The following IL5RA variants were observed in gnomAD, a reference collection of about 807,000 sequenced individuals.
IL5RA encodes the protein interleukin 5 receptor subunit alpha.
Under a neutral mutation model 50.0 loss-of-function variants are expected in IL5RA, and 49 were observed. The observed-to-expected ratio is 0.98, with a 90% CI of 0.78 to 1.24. The LOEUF is 1.24. IL5RA is among the 50% of genes most tolerant of loss of function. The probability of loss-of-function intolerance (pLI) is 0.00; values close to 1 mark genes in which losing one functional copy is unlikely to be tolerated. For missense variants in IL5RA, 600 were observed against 500.4 expected, an observed-to-expected ratio of 1.20 and a Z score of -1.90; for synonymous variants, 202 against 174.0, an observed-to-expected ratio of 1.16 and a Z score of -1.26.
intron 9 of IL5RA, among the ~76,000 whole-genome samples, chr3:3,078,890 C>CT (rs1428442886): frequency 6.6e-6 from 1 of 151,828 alleles, no homozygotes; most frequent in Non-Finnish European, 1.5e-5. Flanking sequence ...TTTCCCAGCT[C>CT]TAACACTGCT....
At chr3:3,079,197 C>CT (rs1702584427) in intron 9 of IL5RA, among the ~76,000 whole-genome samples, 1 of 152,186 alleles carries the variant, frequency 6.6e-6, no homozygotes, top group Non-Finnish European at 1.5e-5. Context: ...TTTATGAAGT[C>CT]TTTTCCCAGG....
At chr3:3,088,213 C>T (rs1702948359) in intron 9 of IL5RA, among the ~76,000 whole-genome samples, 1 of 152,148 alleles carries the variant, frequency 6.6e-6, no homozygotes, top group Non-Finnish European at 1.5e-5. Context: ...CGTTATGGAT[C>T]ACAATTTCAC....
chr3:3,079,911 G>T (rs1234998165), intron 9 of IL5RA, among the ~76,000 whole-genome samples: 1 of 152,070 alleles, frequency 6.6e-6, no homozygotes, highest in African/African-American at 2.4e-5. Context: ...CCGCATGGCT[G>T]TCATCCCAGC....
chr3:3,087,665 T>G (rs334807), intron 9 of IL5RA, among the ~76,000 whole-genome samples: 91,013 of 151,272 alleles, frequency 0.6, 27,791 homozygotes, highest in East Asian at 0.86. Flanking sequence ...TATGAAAGGG[T>G]TGATATTTGA....
Position 3,102,409 on chromosome 3 carries a change from A to G in IL5RA, c.228+266T>C, listed in dbSNP as rs1009959944. 3.3e-5 allele frequency among the ~76,000 whole-genome samples: 5 copies of G among 152,206 alleles called. No individual in the cohort carries two copies. In the East Asian group the frequency reaches 5.8e-4, roughly 18 times the overall value. The stretch of plus-strand genomic sequence containing the variant: ...GAAACAGAAAACCAGTACCCAATCC[A>G]TGGTGCCTAAAAAGTTACTAAACAT... On this transcript the variant is annotated intron_variant, in intron 4 of 11. Transcript: ENST00000446632.
chr3:3,107,945 AT>A (rs1704008536), intron 2 of IL5RA, among the ~76,000 whole-genome samples: 1 of 151,858 alleles, frequency 6.6e-6, no homozygotes, highest in Non-Finnish European at 1.5e-5. Flanking sequence ...TTCCCAACTT[AT>A]TTTTCTGCCT....
At chr3:3,091,600 C>T (rs2125971452) in intron 9 of IL5RA, among the ~76,000 whole-genome samples, 1 of 152,270 alleles carries the variant, frequency 6.6e-6, no homozygotes, top group South Asian at 2.1e-4. Context: ...GGCGTGGTGG[C>T]ATGTGCCTGC....
intron 9 of IL5RA, among the ~76,000 whole-genome samples, chr3:3,078,210 T>A (rs987462772): frequency 6.6e-6 from 1 of 152,120 alleles, no homozygotes; most frequent in Non-Finnish European, 1.5e-5. Flanking sequence ...AAAGAAGAAA[T>A]ACATAAGTGG....
Position 3,104,918 on chromosome 3 carries a change from G to T in IL5RA, c.67C>A (p.Leu23Ile). 6.2e-7 allele frequency: 1 copy of T among 1,607,822 alleles called. No individual in the cohort carries two copies. Among genetic ancestry groups the T allele is most frequent in the Non-Finnish European group, 8.5e-7 (1 of 1,174,456 alleles). ...AGGTCCTTACTCTTTTCATCAGGAA[G>T]TAAGTCAGCTTGCAGTATCTCAGTG... The part of the protein sequence containing the change: ...GATEILQADL[L>I]PDEKISLLPP... Residue 23 changes from leucine to isoleucine, a missense_variant, in exon 3 of 12, where the codon CTT becomes ATT. Physicochemically the swap from Leu to Ile is conservative, Grantham distance 5. Coordinates refer to ENST00000446632, the MANE Select transcript of IL5RA (RefSeq NM_175726.4).
intron 11 of IL5RA, among the ~76,000 whole-genome samples, chr3:3,071,767 T>C (rs922605770): frequency 5.9e-5 from 9 of 152,154 alleles, no homozygotes; most frequent in African/African-American, 2.2e-4. Context: ...TTTTTGTATT[T>C]TTTGCAGAGA....
chr3:3,076,803 G>T (rs1396845643), intron 9 of IL5RA, among the ~76,000 whole-genome samples, 176 bp from the exon 10 acceptor site: 1 of 152,164 alleles, frequency 6.6e-6, no homozygotes, highest in African/African-American at 2.4e-5. Flanking sequence ...TGTAAAAGAA[G>T]GGTAACAGCC....
chr3:3,105,517 A>G (rs1473934554), intron 2 of IL5RA: 1 of 152,226 alleles, frequency 6.6e-6, no homozygotes, highest in East Asian at 1.9e-4. Context: ...AGGAAACTTC[A>G]ATCTAAAACA....
At chr3:3,108,107 A>G (rs3792421) in intron 2 of IL5RA, among the ~76,000 whole-genome samples, 35,552 of 152,072 alleles carry the variant, frequency 0.23, 4,477 homozygotes, top group South Asian at 0.44. Context: ...AGGCTTTTAA[A>G]TATGAAGAGT....
intron 9 of IL5RA, among the ~76,000 whole-genome samples, chr3:3,077,656 C>T (rs548053393): frequency 3.4e-4 from 52 of 152,214 alleles, no homozygotes; most frequent in African/African-American, 1.2e-3. Context: ...GTAATCTCAG[C>T]TACTTGGGAG....
intron 11 of IL5RA, among the ~76,000 whole-genome samples, chr3:3,073,243 C>T (rs571620901): frequency 1.9e-4 from 29 of 152,254 alleles, no homozygotes; most frequent in African/African-American, 6.7e-4. Context: ...TGAGTTTTTC[C>T]ACGAACGCTT....
At chr3:3,103,772 C>T (rs1387035725) in intron 3 of IL5RA, among the ~76,000 whole-genome samples, 1 of 142,838 alleles carries the variant, frequency 7.0e-6, no homozygotes, top group Non-Finnish European at 1.5e-5. Context: ...ATGGAATTAA[C>T]ATATGATATA....
rs753985035 is a variant in IL5RA, at chr3:3,090,207, T to C, written c.994+2017A>G. 12 of 1,611,296 alleles carry C rather than the reference T, an allele frequency of 7.4e-6. No homozygotes were observed. In the South Asian group the frequency reaches 1.2e-4, roughly 16 times the overall value. On this transcript the variant is annotated intron_variant, in intron 9 of 11. Coordinates refer to ENST00000446632, the MANE Select transcript of IL5RA (RefSeq NM_175726.4). The stretch of plus-strand genomic sequence containing the variant: ...TCCCTGCTGTTGTTTTTATTTCAGA[T>C]ACGGTGTGGGGCAGGAAAGCTGGAT...
chr3:3,095,458 C>T lies in IL5RA; in HGVS notation c.710-14G>A, dbSNP rs200968686. ...GATTTATTTGATCTAAGTTAGGGAA[C>T]GAAAGATCAGTGATTTTTTTTTTAG... On this transcript the variant is annotated splice_polypyrimidine_tract_variant and intron_variant, in intron 7 of 11. Coordinates refer to ENST00000446632, the MANE Select transcript of IL5RA (RefSeq NM_175726.4). The T allele has an allele frequency of 1.5e-4, 239 of 1,564,114 alleles. No individual in the cohort carries two copies. In the East Asian group the frequency reaches 3.8e-3, roughly 25 times the overall value.
chr3:3,107,106 T>G (rs573840249), intron 2 of IL5RA, among the ~76,000 whole-genome samples: 1 of 152,280 alleles, frequency 6.6e-6, no homozygotes, highest in South Asian at 2.1e-4. Flanking sequence ...AAATTTTTGA[T>G]TATTAGTTTT....
Sources: allele counts gnomAD v4.1 joint callset (sites outside exome capture counted in the v4.1 genomes callset), GRCh38; gene constraint gnomAD v4.1.1; transcripts MANE v1.5; gene names NCBI Gene and HGNC (gene_info 2026-07-23, HGNC 2026-07-21).